PLXNB3: variants seen among roughly 807,000 people sequenced by gnomAD.
PLXNB3 encodes the protein plexin B3.
A neutral mutation model predicts 125.7 loss-of-function variants in PLXNB3; 80 were observed. That is an observed-to-expected ratio of 0.64 (90% CI 0.53 to 0.77). PLXNB3 has a LOEUF of 0.77. PLXNB3 is among the 30% of genes least tolerant of loss of function. The probability of loss-of-function intolerance (pLI) is 0.00; values close to 1 mark genes in which losing one functional copy is unlikely to be tolerated. For synonymous variants in PLXNB3, 954 were observed against 783.3 expected, an observed-to-expected ratio of 1.22 and a Z score of -3.64; for missense variants, 1,836 against 1,729.3, an observed-to-expected ratio of 1.06 and a Z score of -1.09.
At position 153,777,238 on chromosome X, in the gene PLXNB3, G is replaced by C. The variant is rs781974282; in HGVS notation, c.4958G>C (p.Gly1653Ala). 2.6e-6 allele frequency: 3 copies of C among 1,174,479 alleles called. No individual in the cohort carries two copies. In the South Asian group the frequency reaches 5.7e-5, roughly 22 times the overall value. Residue 1653 changes from glycine to alanine, a missense_variant, in exon 30 of 36, where the codon GGG becomes GCG. Physicochemically the swap from Gly to Ala is moderately conservative, Grantham distance 60. Coordinates refer to ENST00000361971, the MANE Select transcript of PLXNB3 (RefSeq NM_005393.3). ...CCCACGCTGGAGGATGGCGAGGAGG[G>C]GGGGGTGTGCCTCTGGCACCTGGTG... ...NIPTLEDGEE[G>A]GVCLWHLVKA...
In PLXNB3 at chrX:153,770,573, G is replaced by A. The variant is rs782147775; in HGVS notation, c.1941G>A (p.Pro647=). 9.1e-5 allele frequency: 110 copies of A among 1,210,400 alleles called. No homozygotes were observed. In the East Asian group the frequency reaches 1.2e-3, roughly 13 times the overall value. The change falls in exon 10 of 36, where the codon CCG becomes CCA. Residue 647 remains proline, a synonymous_variant. Transcript: ENST00000361971. ...GCATCTGGCGGTGTCACTGGTGCCC[G>A]CAGAGTAGCCACTGCGTGTACGGAG... The part of the protein sequence containing the change: ...VGSIWRCHWC[P]QSSHCVYGEH...
chrX:153,774,174 T>C lies in PLXNB3; in HGVS notation c.3520-12T>C, dbSNP rs781905145. ...TGGGGGCCAGCGGCTTAGGCTCCCA[T>C]GTGTGTCCCAGGGCGAGGGCCTCAA... On this transcript the variant is annotated splice_polypyrimidine_tract_variant and intron_variant, in intron 20 of 35. Transcript: ENST00000361971. 1.2e-5 allele frequency: 14 copies of C among 1,203,191 alleles called. No homozygotes were observed. Among genetic ancestry groups the C allele is most frequent in the Admixed American group, 8.7e-5 (4 of 45,866 alleles).
chrX:153,771,137 G>C (rs976925708), intron 12 of PLXNB3, 56 bp downstream of exon 12: 23 of 1,061,965 alleles, frequency 2.2e-5, no homozygotes, highest in South Asian at 7.7e-5. Flanking sequence ...ACCCTCAGGG[G>C]TCTGCCATCT....
chrX:153,774,800 T>C lies in PLXNB3; in HGVS notation c.3925T>C (p.Phe1309Leu). Residue 1309 changes from phenylalanine (F) to leucine (L), a missense_variant, in exon 23 of 36, where the codon TTC becomes CTC. By Grantham distance (22) the Phe-to-Leu change is conservative (BLOSUM62 0). Coordinates refer to ENST00000361971, the MANE Select transcript of PLXNB3 (RefSeq NM_005393.3). Reference sequence around the variant, plus strand: ...CGTGGGAGACCAGTGCCGCAAGGAGTTCACAGGTGGGTGCGGAGGCGGGGG... The same window carrying C: ...CGTGGGAGACCAGTGCCGCAAGGAGCTCACAGGTGGGTGCGGAGGCGGGGG... ...TGVGDQCRKE[F>L]TDLMTEMTDL... is the part of the protein sequence containing the mutation. 8.3e-7 allele frequency: 1 copy of C among 1,207,654 alleles called. No individual in the cohort carries two copies. The highest frequency in any genetic ancestry group is 1.1e-6 in the Non-Finnish European group (1 of 893,860).
chrX:153,777,444 G>T, intron 30 of PLXNB3, 64 bp downstream of exon 30: 1 of 1,182,031 alleles, frequency 8.5e-7, no homozygotes, highest in Non-Finnish European at 1.1e-6. Flanking sequence ...ACCGAGCCAG[G>T]GTGTGGGAGG....
At position 153,776,074 on chromosome X, in the gene PLXNB3, C is replaced by T; in HGVS notation, c.4589C>T (p.Ala1530Val). Residue 1530 changes from alanine (A) to valine (V), a missense_variant, in exon 27 of 36, where the codon GCA becomes GTA. Transcript: ENST00000361971. ...VLVGPGAGGA[A>V]GSSEMQRVPA... is the part of the protein sequence containing the mutation. ...GTGGGGCCCGGGGCTGGCGGGGCCG[C>T]AGGCAGCAGCGAGATGCAGCGCGTG... The T allele has an allele frequency of 8.4e-7, 1 of 1,195,042 alleles. No individual in the cohort carries two copies. The highest frequency in any genetic ancestry group is 1.1e-6 in the Non-Finnish European group (1 of 887,545).
At chrX:153,765,450 G>A (rs937826324) in intron 1 of PLXNB3, 21 bp from the exon 2 acceptor site, 41 of 1,101,866 alleles carry the variant, frequency 3.7e-5, no homozygotes, top group Middle Eastern at 2.5e-4. Context: ...GCTGAGCCTC[G>A]ACTGTCTCCC....
intron 2 of PLXNB3, chrX:153,766,335 T>G (rs1557059177): frequency 8.7e-7 from 1 of 1,147,785 alleles, no homozygotes; most frequent in Non-Finnish European, 1.2e-6. Context: ...GCAGGTTTTC[T>G]CTCCCTGTCT....
Position 153,771,911 on chromosome X carries a change from C to A in PLXNB3, c.2565C>A (p.Ile855=). The part of the protein sequence containing the change: ...GPPEGGLALT[I]LGSNLGRAFA... ...CTGAGGGAGGCTTGGCCCTCACCATCCTGGGCTCCAACCTGGGCCGGGCCT... is the reference window on the plus strand; with the variant it reads ...CTGAGGGAGGCTTGGCCCTCACCATACTGGGCTCCAACCTGGGCCGGGCCT... Residue 855 remains isoleucine (I), a synonymous_variant, in exon 15 of 36, where the codon ATC becomes ATA. Transcript: ENST00000361971. The A allele has an allele frequency of 8.3e-7, 1 of 1,209,704 alleles. No individual in the cohort carries two copies. Among genetic ancestry groups the A allele is most frequent in the Non-Finnish European group, 1.1e-6 (1 of 895,172 alleles).
At chrX:153,766,167 C>T (rs1557059076) in intron 2 of PLXNB3, 1 of 1,122,310 alleles carries the variant, frequency 8.9e-7, no homozygotes, top group South Asian at 2.2e-5. Flanking sequence ...AGCACCCCCG[C>T]TGCCTTGCCC....
chrX:153,773,338 C>A lies in PLXNB3; in HGVS notation c.3015C>A (p.Leu1005=). Residue 1005 remains leucine, a synonymous_variant, in exon 18 of 36, where the codon CTC becomes CTA. Coordinates refer to ENST00000361971, the MANE Select transcript of PLXNB3 (RefSeq NM_005393.3). ...TTGGCCATGCCCAGCGCACACTGCT[C>A]GCCAGCCCCTTCCGCTACACCGCCA... ...VVFGHAQRTL[L]ASPFRYTANP... 8.3e-7 allele frequency: 1 copy of A among 1,208,816 alleles called. No individual in the cohort carries two copies. Among genetic ancestry groups the A allele is most frequent in the Non-Finnish European group, 1.1e-6 (1 of 894,390 alleles).
chrX:153,778,494 C>T (rs782215530), intron 34 of PLXNB3, 23 bp downstream of exon 34: 29 of 1,197,083 alleles, frequency 2.4e-5, no homozygotes, highest in Middle Eastern at 2.3e-4. Context: ...CCGGGGGGTG[C>T]GCCTGTCCAC....
chrX:153,777,517 C>T lies in PLXNB3; in HGVS notation c.5101-11C>T. The T allele has an allele frequency of 3.3e-6, 4 of 1,210,672 alleles. No homozygotes were observed. The highest frequency in any genetic ancestry group is 1.7e-5 in the African/African-American group (1 of 57,988). The stretch of plus-strand genomic sequence containing the variant: ...CTGCCCTCCACACAGCCCTTATCCC[C>T]TGCCTCGCAGGGCACGCTGCAGAAG... On this transcript the variant is annotated splice_polypyrimidine_tract_variant and intron_variant, in intron 30 of 35. Coordinates refer to ENST00000361971, the MANE Select transcript of PLXNB3 (RefSeq NM_005393.3).
Position 153,774,452 on chromosome X carries a change from C to T in PLXNB3, c.3711C>T (p.Gly1237=). The T allele has an allele frequency of 8.3e-7, 1 of 1,202,524 alleles. No individual in the cohort carries two copies. Among genetic ancestry groups the T allele is most frequent in the Non-Finnish European group, 1.1e-6 (1 of 891,295 alleles). Residue 1237 remains glycine (G), a synonymous_variant, in exon 22 of 36, where the codon GGC becomes GGT. Coordinates refer to ENST00000361971, the MANE Select transcript of PLXNB3 (RefSeq NM_005393.3). Reference sequence around the variant, plus strand: ...TGGGCAATGTGCAGCTGGCCCTGGGCCCTGTGCAGTACGAGGCTGAACCCC... The same window carrying T: ...TGGGCAATGTGCAGCTGGCCCTGGGTCCTGTGCAGTACGAGGCTGAACCCC... ...VQMGNVQLAL[G]PVQYEAEPPL... is the part of the protein sequence containing the mutation.
rs1379804084 is a variant in PLXNB3, at chrX:153,778,969, A to C, written c.5660A>C (p.Gln1887Pro). The change falls in exon 36 of 36, where the codon CAG becomes CCG. Residue 1887 changes from glutamine (Q) to proline (P), a missense_variant. By Grantham distance (76) the Gln-to-Pro change is moderately conservative. Transcript: ENST00000361971. ...ISALEEDPVG[Q>P]KLQLACRLQQ... is the part of the protein sequence containing the mutation. ...GCCCTGGAGGAGGACCCTGTGGGCC[A>C]GAAGCTGCAGCTGGCCTGCCGCCTG... 8.4e-7 allele frequency: 1 copy of C among 1,195,768 alleles called. No homozygotes were observed. Among genetic ancestry groups the C allele is most frequent in the Non-Finnish European group, 1.1e-6 (1 of 888,222 alleles).
At position 153,767,779 on chromosome X, in the gene PLXNB3, C is replaced by A; in HGVS notation, c.952C>A (p.Pro318Thr). 1 of 1,171,575 alleles carries A rather than the reference C, an allele frequency of 8.5e-7. No homozygotes were observed. The highest frequency in any genetic ancestry group is 3.2e-5 in the East Asian group (1 of 31,278). The change falls in exon 3 of 36, where the codon CCC (proline) becomes ACC (threonine). Residue 318 changes from proline to threonine, a missense_variant. Coordinates refer to ENST00000361971, the MANE Select transcript of PLXNB3 (RefSeq NM_005393.3). Reference sequence around the variant, plus strand: ...CACCCAGGCGGCGCTCTGTGCCTTCCCCATGGTGGAGCTGGGTGCCAGCAT... The same window carrying A: ...CACCCAGGCGGCGCTCTGTGCCTTCACCATGGTGGAGCTGGGTGCCAGCAT... ...RGTQAALCAF[P>T]MVELGASMEQ...
intron 6 of PLXNB3, 78 bp from the exon 7 acceptor site, chrX:153,769,729 G>A: frequency 1.9e-6 from 2 of 1,058,876 alleles, no homozygotes; most frequent in African/African-American, 1.8e-5. Context: ...AGCTGGGCCG[G>A]CCTCCCCAGG....
Position 153,778,681 on chromosome X carries a change from C to T in PLXNB3, c.5625+7C>T. On this transcript the variant is annotated splice_region_variant and intron_variant, in intron 35 of 35. Coordinates refer to ENST00000361971, the MANE Select transcript of PLXNB3 (RefSeq NM_005393.3). ...CCACAGGTACTATGATCAGGTGAGG[C>T]CCAGGGCACTCCGGAGGGGAGGCAC... 8.4e-7 allele frequency: 1 copy of T among 1,192,441 alleles called. No homozygotes were observed. The highest frequency in any genetic ancestry group is 3.0e-5 in the East Asian group (1 of 33,442).
At chrX:153,772,757 A>G in intron 16 of PLXNB3, 129 bp from the exon 17 acceptor site, 2 of 1,039,663 alleles carry the variant, frequency 1.9e-6, no homozygotes, top group Non-Finnish European at 2.4e-6. Flanking sequence ...GGCGTGGTCC[A>G]CTTTGGCCCC....
Sources: gnomAD v4.1 joint callset for allele counts on GRCh38, gnomAD v4.1.1 for gene constraint, MANE v1.5 for transcripts, NCBI Gene and HGNC (gene_info 2026-07-23, HGNC 2026-07-21) for gene names.